The following PIP4K2A variants were observed in gnomAD, a reference collection of about 807,000 sequenced individuals.
PIP4K2A encodes phosphatidylinositol-5-phosphate 4-kinase type 2 alpha.
In PIP4K2A, 14 loss-of-function variants were observed where a neutral mutation model predicts 42.9. The observed-to-expected ratio is 0.33, with a 90% CI of 0.22 to 0.51. PIP4K2A has a LOEUF of 0.51. Among genes scored for constraint, PIP4K2A ranks in the 20% least tolerant of loss-of-function variants. PIP4K2A has a pLI of 0.97. For synonymous variants in PIP4K2A, 192 were observed against 192.2 expected (o/e 1.00, Z 0.01); for missense variants, 434 against 519.8 (o/e 0.83, Z 1.61).
intron 3 of PIP4K2A, among the ~76,000 whole-genome samples, chr10:22,605,672 G>A (rs934977915): frequency 6.6e-6 from 1 of 151,994 alleles, no homozygotes; most frequent in African/African-American, 2.4e-5. Flanking sequence ...TAGATGCATG[G>A]GCCCTCAAAA....
At chr10:22,652,309 C>T (rs965382439) in intron 1 of PIP4K2A, among the ~76,000 whole-genome samples, 1 of 151,998 alleles carries the variant, frequency 6.6e-6, no homozygotes, top group African/African-American at 2.4e-5. Context: ...TTAGTAGAGA[C>T]AGGGTTTCAC....
intron 1 of PIP4K2A, among the ~76,000 whole-genome samples, chr10:22,610,480 A>G (rs1838006340): frequency 6.6e-6 from 1 of 152,248 alleles, no homozygotes; most frequent in African/African-American, 2.4e-5. Context: ...CATGTCAAAG[A>G]TTTATGCTTC....
rs535200547 is a variant in PIP4K2A at position 22,542,884 on chromosome 10, C to CCCGT, written c.793-841_793-838dup. The stretch of plus-strand genomic sequence containing the variant: ...GGCTGGACCCAACTGGCTCCCTGAC[C>CCCGT]CCGTGGCTGGCTGGCTCTGCACAGG... On this transcript the variant is annotated intron_variant, in intron 7 of 9. Transcript: ENST00000376573. Among the ~76,000 whole-genome samples the CCCGT allele has an allele frequency of 1.1e-4, 17 of 152,314 alleles. No homozygotes were observed. The South Asian group carries it at 3.5e-3, about 32-fold the overall frequency.
intron 1 of PIP4K2A, 72 bp from the exon 2 acceptor site, chr10:22,609,789 C>G: frequency 1.1e-6 from 1 of 877,276 alleles, no homozygotes; most frequent in Non-Finnish European, 1.8e-6. Flanking sequence ...GAATGTGTAC[C>G]TTGGGAAAAA....
rs1588606953 is a variant in PIP4K2A, at chr10:22,536,515, G to A, written c.*686C>T. The A allele has an allele frequency of 1.2e-5, 2 of 173,846 alleles. No homozygotes were observed. Among genetic ancestry groups the A allele is most frequent in the South Asian group, 2.0e-4 (1 of 4,998 alleles). The allele number at this position is 173,846 out of a possible 1,614,324, so 10.8% of individuals were successfully genotyped here. A position where few individuals can be genotyped will look rare whatever the true frequency, so the allele number is the denominator to read the frequency against. On this transcript the variant is annotated 3_prime_UTR_variant, in exon 10 of 10. Transcript: ENST00000376573. ...CTGACAAGGCTGGGGCCAGAACCCT[G>A]AACCAGTACACACGGAGACGCCAGC...
intron 7 of PIP4K2A, among the ~76,000 whole-genome samples, 165 bp downstream of exon 7, chr10:22,550,494 C>G (rs1012773491): frequency 6.6e-6 from 1 of 152,178 alleles, no homozygotes; most frequent in Non-Finnish European, 1.5e-5. Context: ...TTGCTTTAAA[C>G]CAGATCATGT....
intron 1 of PIP4K2A, among the ~76,000 whole-genome samples, chr10:22,610,367 G>A (rs1295232062): frequency 1.3e-5 from 2 of 152,212 alleles, no homozygotes; most frequent in African/African-American, 4.8e-5. Context: ...TCAAGTTCCA[G>A]TGAATGAAAG....
intron 1 of PIP4K2A, chr10:22,691,797 C>A (rs1490701665): frequency 6.6e-6 from 1 of 152,132 alleles, no homozygotes; most frequent in Non-Finnish European, 1.5e-5. Context: ...CAAAAATAAG[C>A]CTTCTTAAAA....
At chr10:22,640,547 G>A (rs1477529237) in intron 1 of PIP4K2A, among the ~76,000 whole-genome samples, 1 of 152,194 alleles carries the variant, frequency 6.6e-6, no homozygotes, top group Non-Finnish European at 1.5e-5. Context: ...AGTGGATTAT[G>A]CTGATGCTGT....
At position 22,537,076 on chromosome 10, in the gene PIP4K2A, G is replaced by T. The variant is rs1470461940; in HGVS notation, c.*125C>A. The T allele has an allele frequency of 1.5e-5, 10 of 688,398 alleles. No individual in the cohort carries two copies. The highest frequency in any genetic ancestry group is 2.5e-5 in the Non-Finnish European group (10 of 395,924). The allele number at this position is 688,398 out of a possible 1,614,324, so 42.6% of individuals were successfully genotyped here. The stretch of plus-strand genomic sequence containing the variant: ...CCCAAATCAGTCATCTTGGCCTGAA[G>T]ATGTAAACAAGGAGGTTTGCTTCCT... On this transcript the variant is annotated 3_prime_UTR_variant, in exon 10 of 10. Transcript: ENST00000376573.
intron 3 of PIP4K2A, among the ~76,000 whole-genome samples, chr10:22,592,566 G>A (rs796716772): frequency 2.6e-5 from 4 of 152,148 alleles, no homozygotes; most frequent in East Asian, 1.9e-4. Context: ...GGACAAGGAC[G>A]GGCTCTGAGT....
chr10:22,604,877 T>C (rs1163058668), intron 3 of PIP4K2A, among the ~76,000 whole-genome samples: 1 of 152,220 alleles, frequency 6.6e-6, no homozygotes, highest in Admixed American at 6.5e-5. Context: ...GCAGTAACAA[T>C]GTGCCAGGCA....
intron 1 of PIP4K2A, among the ~76,000 whole-genome samples, chr10:22,615,066 C>T (rs1838143799): frequency 6.6e-6 from 1 of 152,062 alleles, no homozygotes; most frequent in Admixed American, 6.6e-5. Flanking sequence ...TATGATCTAC[C>T]CTAAAATTGA....
At chr10:22,633,162 G>A (rs1347653699) in intron 1 of PIP4K2A, among the ~76,000 whole-genome samples, 3 of 152,210 alleles carry the variant, frequency 2.0e-5, no homozygotes, top group African/African-American at 7.2e-5. Flanking sequence ...CCTTTGCATG[G>A]CGCAGGGGAT....
chr10:22,565,122 TA>T (rs1365125341), intron 6 of PIP4K2A, among the ~76,000 whole-genome samples: 1 of 152,204 alleles, frequency 6.6e-6, no homozygotes, highest in Non-Finnish European at 1.5e-5. Flanking sequence ...GGGCTTGTTC[TA>T]GACATGCTTC....
intron 1 of PIP4K2A, among the ~76,000 whole-genome samples, chr10:22,707,617 C>G (rs376440901): frequency 6.6e-6 from 1 of 152,090 alleles, no homozygotes; most frequent in African/African-American, 2.4e-5. Flanking sequence ...ATGAATGATT[C>G]CTGAGCTTGG....
chr10:22,544,045 C>T (rs2130746698), intron 7 of PIP4K2A, among the ~76,000 whole-genome samples: 1 of 152,308 alleles, frequency 6.6e-6, no homozygotes, highest in East Asian at 1.9e-4. Flanking sequence ...CCTCTGGAGG[C>T]TGCCTTAAAG....
intron 1 of PIP4K2A, among the ~76,000 whole-genome samples, chr10:22,707,437 T>C (rs575602562): frequency 5.3e-5 from 8 of 152,310 alleles, no homozygotes; most frequent in African/African-American, 1.9e-4. Context: ...TTTTCTTAAA[T>C]AAATTATGTA....
chr10:22,544,936 C>T (rs776049226), intron 7 of PIP4K2A, among the ~76,000 whole-genome samples: 15 of 152,180 alleles, frequency 9.9e-5, no homozygotes, highest in South Asian at 2.1e-4. Context: ...TTTAGGGCAC[C>T]GCACACTCCT....
Sources: gnomAD v4.1 joint callset for allele counts (sites outside exome capture counted in the v4.1 genomes callset) on GRCh38, gnomAD v4.1.1 for gene constraint, MANE v1.5 for transcripts, NCBI Gene and HGNC (gene_info 2026-07-23, HGNC 2026-07-21) for gene names.